The following TTC7A variants were observed in gnomAD, a reference collection of about 807,000 sequenced individuals.
TTC7A encodes tetratricopeptide repeat protein 7A.
A neutral mutation model predicts 103.7 loss-of-function variants in TTC7A; 110 were observed. The observed-to-expected ratio is 1.06, with a 90% confidence interval of 0.91 to 1.24. TTC7A has a LOEUF of 1.24. Ranked by LOEUF, TTC7A falls within the 50% of genes most tolerant of loss-of-function variation. TTC7A has a pLI of 0.00. For missense variants in TTC7A, 1,340 were observed against 1,116.3 expected (o/e 1.20, Z -2.86); for synonymous variants, 521 against 467.9 (o/e 1.11, Z -1.47).
chr2:47,071,357 G>C (rs116148237), intron 19 of TTC7A, among the ~76,000 whole-genome samples: 139 of 152,184 alleles, frequency 9.1e-4, no homozygotes, highest in African/African-American at 2.4e-3. Flanking sequence ...ACCCACCCTA[G>C]CCTACAGTCC....
chr2:46,932,676 G>A (rs1669768531), intron 2 of TTC7A, among the ~76,000 whole-genome samples: 1 of 152,054 alleles, frequency 6.6e-6, no homozygotes, highest in Non-Finnish European at 1.5e-5. Flanking sequence ...CAAGATGGGT[G>A]GATCACCTGA....
At chr2:47,014,856 C>T (rs949109161) in intron 11 of TTC7A, among the ~76,000 whole-genome samples, 1 of 152,234 alleles carries the variant, frequency 6.6e-6, no homozygotes, top group Non-Finnish European at 1.5e-5. Context: ...TGGCCATGTG[C>T]CCAGAGGCGG....
At chr2:47,072,657 C>G (rs1003197094) in intron 19 of TTC7A, among the ~76,000 whole-genome samples, 1 of 152,234 alleles carries the variant, frequency 6.6e-6, no homozygotes, top group Non-Finnish European at 1.5e-5. Context: ...ACTGCGGCCC[C>G]CGCCTGTCCA....
At chr2:46,930,155 A>T (rs560111513) in intron 2 of TTC7A, among the ~76,000 whole-genome samples, 11 of 152,352 alleles carry the variant, frequency 7.2e-5, no homozygotes, top group Admixed American at 2.6e-4. Context: ...TAAATGAAAT[A>T]ATAAAGATAA....
At chr2:47,043,993 G>T (rs892224730) in intron 15 of TTC7A, among the ~76,000 whole-genome samples, 2 of 152,160 alleles carry the variant, frequency 1.3e-5, no homozygotes, top group African/African-American at 4.8e-5. Context: ...CAGAGGGCCC[G>T]GGGAATGCAG....
At chr2:46,930,848 T>C (rs1321386225) in intron 2 of TTC7A, among the ~76,000 whole-genome samples, 1 of 152,100 alleles carries the variant, frequency 6.6e-6, no homozygotes, top group Non-Finnish European at 1.5e-5. Flanking sequence ...TTTTAAACCT[T>C]CCCATAAATA....
At chr2:47,016,069 C>T (rs1045741057) in intron 11 of TTC7A, among the ~76,000 whole-genome samples, 4 of 152,200 alleles carry the variant, frequency 2.6e-5, no homozygotes, top group Non-Finnish European at 5.9e-5. Context: ...TGGCTCACTG[C>T]AAGGTGAGGT....
At chr2:47,047,028 G>T (rs1325284164) in intron 16 of TTC7A, 2 of 457,924 alleles carry the variant, frequency 4.4e-6, no homozygotes, top group Non-Finnish European at 3.8e-6. Context: ...CTGGGACCTG[G>T]GTCTTTCATG....
At chr2:46,943,360 C>T (rs555081202) in intron 1 of TTC7A, among the ~76,000 whole-genome samples, 1 of 152,260 alleles carries the variant, frequency 6.6e-6, no homozygotes, top group African/African-American at 2.4e-5. Context: ...CACCAAGTCT[C>T]CTAGTGTCAG....
chr2:46,936,945 C>T (rs961171508), upstream of TTC7A, among the ~76,000 whole-genome samples: 3 of 151,792 alleles, frequency 2.0e-5, no homozygotes, highest in African/African-American at 7.3e-5. Flanking sequence ...ACCTCTGCCT[C>T]CTGGGCTCAA....
In TTC7A at chr2:46,950,490, T is replaced by C. The variant is rs1215174657; in HGVS notation, c.312T>C (p.Asn104=). The change falls in exon 2 of 20, where the codon AAT becomes AAC. Residue 104 remains asparagine, a synonymous_variant. Coordinates refer to ENST00000319190, the MANE Select transcript of TTC7A (RefSeq NM_020458.4). ...KNEPKMSEAK[N]YLSSILNHGR... Reference sequence around the variant, plus strand: ...AGCCGAAGATGAGCGAAGCCAAAAATTATCTAAGCAGTATCCTTAACCATG... The same window carrying C: ...AGCCGAAGATGAGCGAAGCCAAAAACTATCTAAGCAGTATCCTTAACCATG... 1 of 1,614,012 alleles carries C rather than the reference T, an allele frequency of 6.2e-7. No homozygotes were observed. Among genetic ancestry groups the C allele is most frequent in the Non-Finnish European group, 8.5e-7 (1 of 1,180,034 alleles).
At chr2:47,053,441 C>G (rs929736156) in intron 18 of TTC7A, among the ~76,000 whole-genome samples, 1 of 152,218 alleles carries the variant, frequency 6.6e-6, no homozygotes, top group Admixed American at 6.5e-5. Flanking sequence ...TGATCAGATT[C>G]TGCAGTTGTG....
intron 15 of TTC7A, among the ~76,000 whole-genome samples, chr2:47,043,816 G>C (rs1299092541): frequency 6.6e-6 from 1 of 152,178 alleles, no homozygotes; most frequent in Non-Finnish European, 1.5e-5. Context: ...GTCAGCAGCT[G>C]CAAAGGTACA....
At chr2:46,962,949 A>G (rs1376351119) in intron 3 of TTC7A, among the ~76,000 whole-genome samples, 1 of 152,210 alleles carries the variant, frequency 6.6e-6, no homozygotes, top group Non-Finnish European at 1.5e-5. Context: ...TTGCCATTGC[A>G]TCATCTTCAT....
At chr2:46,930,096 C>A (rs764582216) in intron 2 of TTC7A, among the ~76,000 whole-genome samples, 25 of 151,946 alleles carry the variant, frequency 1.6e-4, no homozygotes, top group Admixed American at 1.4e-3. Context: ...CATAACCTAA[C>A]CTTTCCCTAC....
At chr2:47,041,231 T>A (rs374321040) in intron 15 of TTC7A, among the ~76,000 whole-genome samples, 7 of 152,016 alleles carry the variant, frequency 4.6e-5, no homozygotes, top group African/African-American at 1.7e-4. Flanking sequence ...GCTGTGGGAG[T>A]CCGGCCCACA....
chr2:46,992,999 C>G (rs1440164523), intron 5 of TTC7A, among the ~76,000 whole-genome samples: 1 of 152,096 alleles, frequency 6.6e-6, no homozygotes, highest in African/African-American at 2.4e-5. Flanking sequence ...CATCAAGGCC[C>G]AAGGTGAGGC....
chr2:46,934,633 C>T (rs1412297143), intron 2 of TTC7A, among the ~76,000 whole-genome samples: 1 of 151,742 alleles, frequency 6.6e-6, no homozygotes, highest in East Asian at 1.9e-4. Flanking sequence ...CTTTAAAAAC[C>T]CTCCCCTCAT....
intron 2 of TTC7A, among the ~76,000 whole-genome samples, chr2:46,950,885 C>A (rs1418706938): frequency 6.6e-6 from 1 of 152,160 alleles, no homozygotes; most frequent in South Asian, 2.1e-4. Flanking sequence ...TTACCTTTTT[C>A]AGTGTGACTA....
Sources: gnomAD v4.1 joint callset for allele counts (sites outside exome capture counted in the v4.1 genomes callset) on GRCh38, gnomAD v4.1.1 for gene constraint, MANE v1.5 for transcripts, NCBI Gene and HGNC (gene_info 2026-07-23, HGNC 2026-07-21) for gene names.